The following ASXL3 variants were observed in gnomAD, a reference collection of about 807,000 sequenced individuals.
ASXL3 encodes the protein ASXL transcriptional regulator 3.
ASXL3 carries 34 observed loss-of-function variants against 170.6 expected under a neutral mutation model. The ratio of observed to expected loss-of-function variants is 0.20; its 90% confidence interval spans 0.15 to 0.27. The LOEUF is 0.27. ASXL3 is among the 10% of genes least tolerant of loss of function. The pLI is 1.00. For synonymous variants in ASXL3, 1,002 were observed against 989.1 expected (o/e 1.01, Z -0.24); for missense variants, 2,592 against 2,695.3 (o/e 0.96, Z 0.85).
At chr18:33,638,621 A>G (rs2065804684) in intron 2 of ASXL3, among the ~76,000 whole-genome samples, 2 of 152,210 alleles carry the variant, frequency 1.3e-5, no homozygotes, top group Admixed American at 6.6e-5. Flanking sequence ...TGGAGAGAGA[A>G]TGTGAGATAG....
intron 6 of ASXL3, 112 bp downstream of exon 6, chr18:33,670,902 G>T (rs748387010): frequency 4.6e-6 from 3 of 645,290 alleles, no homozygotes; most frequent in African/African-American, 1.9e-5. Flanking sequence ...TCCACTTGAG[G>T]TTTGGTTTAA....
At chr18:33,578,779 C>A in intron 1 of ASXL3, 94 bp downstream of exon 1, 2 of 788,056 alleles carry the variant, frequency 2.5e-6, no homozygotes, top group Non-Finnish European at 3.3e-6. Flanking sequence ...CCACTTCCAG[C>A]CCGAGCCGCC....
chr18:33,648,188 G>A (rs774379794), intron 4 of ASXL3, among the ~76,000 whole-genome samples: 1 of 152,104 alleles, frequency 6.6e-6, no homozygotes, highest in Admixed American at 6.6e-5. Flanking sequence ...GTAGGTTTTA[G>A]CAGGATCACT....
chr18:33,701,905 C>T (rs2066880648), intron 8 of ASXL3, among the ~76,000 whole-genome samples: 1 of 151,618 alleles, frequency 6.6e-6, no homozygotes, highest in Admixed American at 6.6e-5. Flanking sequence ...TATTTCCTGT[C>T]TTCTTTAGAG....
chr18:33,635,935 A>G (rs2065756039), intron 2 of ASXL3, among the ~76,000 whole-genome samples: 1 of 152,224 alleles, frequency 6.6e-6, no homozygotes, highest in Non-Finnish European at 1.5e-5. Flanking sequence ...CTTGTCAGGC[A>G]ATATAAAAAT....
At chr18:33,636,192 G>C (rs2065760682) in intron 2 of ASXL3, among the ~76,000 whole-genome samples, 1 of 152,104 alleles carries the variant, frequency 6.6e-6, no homozygotes, top group African/African-American at 2.4e-5. Context: ...TAGGAGAGTG[G>C]TCTGAGAGTT....
intron 4 of ASXL3, among the ~76,000 whole-genome samples, chr18:33,657,849 T>C (rs976370747): frequency 7.2e-5 from 11 of 152,100 alleles, no homozygotes; most frequent in Admixed American, 2.0e-4. Flanking sequence ...GCAAGCAAAA[T>C]GTAGACAGAA....
chr18:33,746,055 G>C lies in ASXL3; in HGVS notation c.6207G>C (p.Trp2069Cys). Residue 2069 changes from tryptophan (W) to cysteine (C), a missense_variant, in exon 12 of 12, where the codon TGG becomes TGC. Around this residue, in one of 4 missense-constraint regions of ASXL3, gnomAD observed 2,246 missense variants for 2,219.6 expected, o/e 1.01. Coordinates refer to ENST00000269197, the MANE Select transcript of ASXL3 (RefSeq NM_030632.3). ...TGGAAACCACTAAGAGACTTAGTTGGCCACAGTCCACGGGCATATGTAGCA... is the reference window on the plus strand; with the variant it reads ...TGGAAACCACTAAGAGACTTAGTTGCCCACAGTCCACGGGCATATGTAGCA... ...VTMETTKRLS[W>C]PQSTGICSNI... 6.2e-7 allele frequency: 1 copy of C among 1,613,004 alleles called. No individual in the cohort carries two copies. The highest frequency in any genetic ancestry group is 8.5e-7 in the Non-Finnish European group (1 of 1,179,808).
intron 8 of ASXL3, among the ~76,000 whole-genome samples, chr18:33,713,962 A>G (rs1050904122): frequency 6.6e-6 from 1 of 152,176 alleles, no homozygotes; most frequent in East Asian, 1.9e-4. Flanking sequence ...TCAAGTCATC[A>G]TAGTGGGTGT....
chr18:33,708,523 A>G (rs1449076621), intron 8 of ASXL3, among the ~76,000 whole-genome samples: 2 of 152,106 alleles, frequency 1.3e-5, no homozygotes, highest in Non-Finnish European at 2.9e-5. Context: ...TCCAGTCCAT[A>G]AGTACTATAT....
intron 2 of ASXL3, among the ~76,000 whole-genome samples, chr18:33,611,235 A>G (rs183977258): frequency 1.3e-5 from 2 of 152,210 alleles, no homozygotes; most frequent in African/African-American, 4.8e-5. Context: ...TGGAAAAGCC[A>G]GAATGAAATA....
intron 1 of ASXL3, among the ~76,000 whole-genome samples, chr18:33,591,779 C>A (rs574152991): frequency 2.6e-4 from 39 of 151,996 alleles, no homozygotes; most frequent in African/African-American, 9.4e-4. Context: ...GTAGCTGGGA[C>A]TACAGGTGAC....
intron 1 of ASXL3, chr18:33,605,481 T>A (rs983755114): frequency 3.3e-5 from 5 of 152,218 alleles, no homozygotes; most frequent in Admixed American, 3.3e-4. Flanking sequence ...ATCATTTCCT[T>A]CCTGCCTCTC....
chr18:33,584,657 A>G (rs1040599154), intron 1 of ASXL3, among the ~76,000 whole-genome samples: 97 of 152,290 alleles, frequency 6.4e-4, no homozygotes, highest in African/African-American at 2.1e-3. Flanking sequence ...TATACATTAC[A>G]TTTGTATAAG....
In ASXL3 at chr18:33,746,720, T is replaced by G; in HGVS notation, c.*125T>G. The G allele has an allele frequency of 5.8e-5, 78 of 1,351,224 alleles. No homozygotes were observed. Among genetic ancestry groups the G allele is most frequent in the Non-Finnish European group, 6.8e-5 (69 of 1,016,226 alleles). 83.7% of individuals were successfully genotyped at this position (1,351,224 alleles called of 1,614,324 possible). A position where few individuals can be genotyped will look rare whatever the true frequency, so the allele number is the denominator to read the frequency against. On this transcript the variant is annotated 3_prime_UTR_variant, in exon 12 of 12. Coordinates refer to ENST00000269197, the MANE Select transcript of ASXL3 (RefSeq NM_030632.3). Reference sequence around the variant, plus strand: ...TTATTTTGCTTTGGAGCAGGTACCTTTCCTCTATGGCATTATTTTCTTGCA... The same window carrying G: ...TTATTTTGCTTTGGAGCAGGTACCTGTCCTCTATGGCATTATTTTCTTGCA...
chr18:33,743,907 C>A lies in ASXL3; in HGVS notation c.4059C>A (p.Leu1353=). The A allele has an allele frequency of 6.2e-7, 1 of 1,614,024 alleles. No homozygotes were observed. Among genetic ancestry groups the A allele is most frequent in the Non-Finnish European group, 8.5e-7 (1 of 1,179,906 alleles). ...CCATCGGAAACAATTTGCCAAACCT[C>A]TCCACTAGCTCTGTCTTGATTCCCC... ...TPSIGNNLPN[L]STSSVLIPPM... is the part of the protein sequence containing the mutation. The change falls in exon 12 of 12, where the codon CTC becomes CTA. Residue 1353 remains leucine (L), a synonymous_variant. Transcript: ENST00000269197.
Position 33,740,096 on chromosome 18 carries a change from C to T in ASXL3, c.2692C>T (p.Pro898Ser). 1 of 1,613,920 alleles carries T rather than the reference C, an allele frequency of 6.2e-7. No individual in the cohort carries two copies. The highest frequency in any genetic ancestry group is 1.1e-5 in the South Asian group (1 of 91,074). The change falls in exon 11 of 12, where the codon CCA becomes TCA. Residue 898 changes from proline (P) to serine (S), a missense_variant. Transcript: ENST00000269197. ...EGTDNKGNEL[P>S]SAKLQDKQYI... ...GACAGATAATAAGGGAAATGAGCTT[C>T]CATCTGCTAAATTACAGGACAAGCA...
intron 4 of ASXL3, among the ~76,000 whole-genome samples, chr18:33,655,515 T>G (rs1459801040): frequency 6.6e-6 from 1 of 152,082 alleles, no homozygotes; most frequent in South Asian, 2.1e-4. Context: ...TGGCAACTTA[T>G]ATCCTTTGGA....
intron 1 of ASXL3, among the ~76,000 whole-genome samples, chr18:33,604,778 A>G (rs888781548): frequency 7.2e-5 from 11 of 151,982 alleles, no homozygotes; most frequent in African/African-American, 2.7e-4. Flanking sequence ...ATTTATATTT[A>G]GGTTTCACAT....
Sources: gnomAD v4.1 joint callset for allele counts (sites outside exome capture counted in the v4.1 genomes callset) on GRCh38, gnomAD v4.1.1 for gene constraint, gnomAD v4.1.1 regional missense constraint, MANE v1.5 for transcripts, NCBI Gene and HGNC (gene_info 2026-07-23, HGNC 2026-07-21) for gene names.